Variants in GALNT13 observed in about 807,000 individuals in gnomAD.
GALNT13 encodes UDP-GalNAc:polypeptide N-acetylgalactosaminyltransferase 13.
In GALNT13, 28 loss-of-function variants were observed where a neutral mutation model predicts 64.2. The ratio of observed to expected loss-of-function variants is 0.44; its 90% CI spans 0.32 to 0.60. The LOEUF (loss-of-function observed/expected upper bound fraction) is 0.60, where lower values mean the gene tolerates loss of function less well. Ranked by LOEUF, GALNT13 falls within the 20% of genes least tolerant of loss-of-function variation. The pLI is 0.05. For missense variants in GALNT13, 577 were observed against 669.8 expected, an observed-to-expected ratio of 0.86 and a Z score of 1.53; for synonymous variants, 214 against 224.6, an observed-to-expected ratio of 0.95 and a Z score of 0.42.
At chr2:154,432,700 C>T (rs761765401) in intron 11 of GALNT13, among the ~76,000 whole-genome samples, 7 of 152,156 alleles carry the variant, frequency 4.6e-5, no homozygotes, top group Non-Finnish European at 1.0e-4. Context: ...CCAGTCTCTA[C>T]TTCCATCATC....
chr2:153,112,458 G>A, the GALNT13 span, among the ~76,000 whole-genome samples: 1 of 151,140 alleles, frequency 6.6e-6, no homozygotes, highest in African/African-American at 2.5e-5. Flanking sequence ...AGCTATTTTG[G>A]TAGTAACTGA....
At chr2:153,495,895 A>G in the GALNT13 span, among the ~76,000 whole-genome samples, 3 of 152,326 alleles carry the variant, frequency 2.0e-5, no homozygotes, top group African/African-American at 7.2e-5. Context: ...AGTTAGCCTG[A>G]GGTAACCTTA....
chr2:153,368,277 G>C, the GALNT13 span, among the ~76,000 whole-genome samples: 1 of 152,056 alleles, frequency 6.6e-6, no homozygotes, highest in Non-Finnish European at 1.5e-5. Flanking sequence ...CTTCATGATG[G>C]GATTAGTCTT....
At chr2:153,973,675 CAA>C (rs72324986) in intron 3 of GALNT13, among the ~76,000 whole-genome samples, 9,301 of 151,982 alleles carry the variant, frequency 0.061, 586 homozygotes, top group African/African-American at 0.16. Context: ...AAGCATCTAA[CAA>C]AGTATCTTTC....
At chr2:153,552,213 A>G in the GALNT13 span, among the ~76,000 whole-genome samples, 3 of 152,208 alleles carry the variant, frequency 2.0e-5, no homozygotes, top group African/African-American at 7.2e-5. Flanking sequence ...GATCGAGGAA[A>G]GACTGGGGTT....
the GALNT13 span, among the ~76,000 whole-genome samples, chr2:153,102,077 C>T: frequency 6.6e-6 from 1 of 151,992 alleles, no homozygotes; most frequent in Admixed American, 6.6e-5. Context: ...TTAATTCTCT[C>T]TTGCTCTTTC....
chr2:153,333,859 G>A, the GALNT13 span, among the ~76,000 whole-genome samples: 2 of 152,182 alleles, frequency 1.3e-5, no homozygotes, highest in African/African-American at 2.4e-5. Context: ...AAATAATTGT[G>A]TTAAACTACT....
chr2:153,783,720 G>A, the GALNT13 span, among the ~76,000 whole-genome samples: 6 of 152,074 alleles, frequency 3.9e-5, no homozygotes, highest in African/African-American at 1.2e-4. Flanking sequence ...CTCATAGTGC[G>A]TGAGTTCTCA....
At chr2:154,259,240 T>C in intron 8 of GALNT13, 102 bp downstream of exon 8, 1 of 712,194 alleles carries the variant, frequency 1.4e-6, no homozygotes, top group East Asian at 2.7e-5. Flanking sequence ...TGCTGAGTGA[T>C]GCAAATTACT....
intron 9 of GALNT13, among the ~76,000 whole-genome samples, chr2:154,391,492 G>A (rs1698789472): frequency 6.6e-6 from 1 of 152,100 alleles, no homozygotes; most frequent in Non-Finnish European, 1.5e-5. Context: ...TTTAGTCTGT[G>A]CTCACAGATG....
the GALNT13 span, among the ~76,000 whole-genome samples, chr2:153,395,293 T>C: frequency 6.6e-6 from 1 of 152,074 alleles, no homozygotes; most frequent in Non-Finnish European, 1.5e-5. Context: ...TAACAGAGAA[T>C]GAGTATTTTG....
chr2:153,651,915 A>T, the GALNT13 span, among the ~76,000 whole-genome samples: 6 of 152,188 alleles, frequency 3.9e-5, no homozygotes, highest in Non-Finnish European at 8.8e-5. Flanking sequence ...CAACTTCAAC[A>T]TAATGTTTGC....
chr2:153,459,544 T>A, the GALNT13 span, among the ~76,000 whole-genome samples: 1 of 152,112 alleles, frequency 6.6e-6, no homozygotes, highest in East Asian at 1.9e-4. Context: ...CTGAATTACA[T>A]GGGGTCAATA....
the GALNT13 span, among the ~76,000 whole-genome samples, chr2:153,682,817 A>G: frequency 2.6e-5 from 4 of 151,774 alleles, no homozygotes; most frequent in African/African-American, 7.2e-5. Context: ...TGTAATGGCT[A>G]AACCACATGG....
chr2:153,635,033 A>G, the GALNT13 span, among the ~76,000 whole-genome samples: 22 of 152,294 alleles, frequency 1.4e-4, no homozygotes, highest in African/African-American at 5.1e-4. Flanking sequence ...TTTAGAAAGC[A>G]TTAGTTTCTA....
chr2:153,935,926 C>G (rs1690879170), intron 2 of GALNT13, among the ~76,000 whole-genome samples: 1 of 152,178 alleles, frequency 6.6e-6, no homozygotes, highest in Non-Finnish European at 1.5e-5. Flanking sequence ...TATAACTTTG[C>G]TTTACTTCTC....
At chr2:153,651,426 G>T in the GALNT13 span, among the ~76,000 whole-genome samples, 1 of 152,156 alleles carries the variant, frequency 6.6e-6, no homozygotes, top group African/African-American at 2.4e-5. Context: ...AACAAAAATA[G>T]CTCAATGGCT....
chr2:153,359,186 AG>A, the GALNT13 span, among the ~76,000 whole-genome samples: 1 of 152,202 alleles, frequency 6.6e-6, no homozygotes, highest in Non-Finnish European at 1.5e-5. Flanking sequence ...TGTACATGTA[AG>A]AAATACTGAA....
chr2:153,369,074 A>G, the GALNT13 span, among the ~76,000 whole-genome samples: 1 of 152,146 alleles, frequency 6.6e-6, no homozygotes, highest in African/African-American at 2.4e-5. Flanking sequence ...TAAAAAACCC[A>G]TGTATCTAAG....
Sources: gnomAD v4.1 joint callset for allele counts (sites outside exome capture counted in the v4.1 genomes callset) on GRCh38, gnomAD v4.1.1 for gene constraint, MANE v1.5 for transcripts, NCBI Gene and HGNC (gene_info 2026-07-23, HGNC 2026-07-21) for gene names.